CDH4: variants seen among roughly 807,000 people sequenced by gnomAD.
CDH4 encodes cadherin 4.
A neutral mutation model predicts 86.0 loss-of-function variants in CDH4; 33 were observed. The observed-to-expected ratio is 0.38, with a 90% CI of 0.29 to 0.51. CDH4 has a LOEUF of 0.51. Among genes scored for constraint, CDH4 ranks in the 20% least tolerant of loss-of-function variants. CDH4 has a pLI of 0.86. For missense variants in CDH4, 1,114 were observed against 1,307.4 expected (o/e 0.85, Z 2.28); for synonymous variants, 555 against 549.4 (o/e 1.01, Z -0.14).
In CDH4 at chr20:61,848,197, G is replaced by A. The variant is rs80199682; in HGVS notation, c.732+3374G>A. The stretch of plus-strand genomic sequence containing the variant: ...ACCTGCAGGCCCCAGCCCTCACCAC[G>A]GATGCACTCAGGCCTCCCACACTCC... On this transcript the variant is annotated intron_variant, in intron 5 of 15. Transcript: ENST00000614565. Among the ~76,000 whole-genome samples, 521 of 152,262 alleles carry A rather than the reference G, an allele frequency of 3.4e-3. 5 individuals carry two copies. The East Asian group carries it at 0.049, about 14-fold the overall frequency.
intron 2 of CDH4, chr20:61,717,531 A>C (rs1344919084): frequency 2.0e-5 from 3 of 152,046 alleles, no homozygotes; most frequent in Non-Finnish European, 4.4e-5. Context: ...CCTGTCACCG[A>C]AGCTGGAGTG....
At chr20:61,673,836 C>G (rs1444666653) in intron 2 of CDH4, among the ~76,000 whole-genome samples, 3 of 152,214 alleles carry the variant, frequency 2.0e-5, no homozygotes, top group Non-Finnish European at 4.4e-5. Flanking sequence ...AATCACATCT[C>G]TCTTCTAGAC....
intron 7 of CDH4, among the ~76,000 whole-genome samples, chr20:61,883,673 C>T (rs1348414000): frequency 6.6e-6 from 1 of 152,194 alleles, no homozygotes; most frequent in Non-Finnish European, 1.5e-5. Flanking sequence ...TGCCCGGCCC[C>T]TGGAGAGGGA....
At chr20:61,930,982 C>T (rs966372805) in intron 13 of CDH4, among the ~76,000 whole-genome samples, 2 of 152,338 alleles carry the variant, frequency 1.3e-5, no homozygotes, top group South Asian at 2.1e-4. Flanking sequence ...CGAGGGCAGC[C>T]GCAGTGGAGG....
In CDH4 at chr20:61,517,861, C is replaced by T. The variant is rs577531710; in HGVS notation, c.170-225702C>T. Among the ~76,000 whole-genome samples the T allele has an allele frequency of 2.0e-4, 31 of 152,260 alleles. No individual in the cohort carries two copies. The South Asian group carries it at 6.0e-3, about 30-fold the overall frequency. ...CTCTTATTTCATTTATTCTCAGTTC[C>T]GTCCCATGCAGGTGCCTCACAAAAC... On this transcript the variant is annotated intron_variant, in intron 2 of 15. Transcript: ENST00000614565. The surrounding 1 kb of genome is among the most constrained non-coding windows in gnomAD (Gnocchi z 6.6).
At chr20:61,311,359 A>G (rs935458016) in intron 2 of CDH4, among the ~76,000 whole-genome samples, 1 of 152,244 alleles carries the variant, frequency 6.6e-6, no homozygotes, top group Non-Finnish European at 1.5e-5. Flanking sequence ...AAAAGGTTTC[A>G]CATTAAAAGG....
chr20:61,263,557 G>A (rs549173535), intron 2 of CDH4, among the ~76,000 whole-genome samples: 2 of 152,280 alleles, frequency 1.3e-5, no homozygotes, highest in South Asian at 2.1e-4. Flanking sequence ...CAGATCACTC[G>A]GTATGGGCAG....
At chr20:61,465,869 T>C (rs1296492080) in intron 2 of CDH4, among the ~76,000 whole-genome samples, 2 of 151,930 alleles carry the variant, frequency 1.3e-5, no homozygotes, top group Non-Finnish European at 2.9e-5. Context: ...TTTTTTCTTT[T>C]TTTTTTTTTG....
intron 2 of CDH4, among the ~76,000 whole-genome samples, chr20:61,281,018 A>G (rs1011843081): frequency 6.6e-6 from 1 of 152,178 alleles, no homozygotes; most frequent in Non-Finnish European, 1.5e-5. Flanking sequence ...CATTTAAGTT[A>G]TGAGTTATTA....
intron 2 of CDH4, among the ~76,000 whole-genome samples, chr20:61,697,358 G>A (rs2087725399): frequency 6.6e-6 from 1 of 152,172 alleles, no homozygotes; most frequent in Non-Finnish European, 1.5e-5. Context: ...CCAGCACTTT[G>A]GGAGGCTGAG....
intron 2 of CDH4, among the ~76,000 whole-genome samples, chr20:61,683,497 G>A (rs745495724): frequency 6.6e-6 from 1 of 152,150 alleles, no homozygotes; most frequent in Non-Finnish European, 1.5e-5. Flanking sequence ...CCCCGGGAGT[G>A]CGGCCCAGGC....
chr20:61,813,050 G>T lies in CDH4; in HGVS notation c.577-31618G>T, dbSNP rs551768582. 1.3e-4 allele frequency among the ~76,000 whole-genome samples: 20 copies of T among 152,356 alleles called. No individual in the cohort carries two copies. In the East Asian group the frequency reaches 3.9e-3, roughly 29 times the overall value. Reference sequence around the variant, plus strand: ...TCCACGCACACATGGGAGGCTGACTGCGAACCACATCCCGCTGCCTTCCTT... The same window carrying T: ...TCCACGCACACATGGGAGGCTGACTTCGAACCACATCCCGCTGCCTTCCTT... On this transcript the variant is annotated intron_variant, in intron 4 of 15. Transcript: ENST00000614565.
chr20:61,444,275 A>AATGTGTGTT (rs2085331131), intron 2 of CDH4, among the ~76,000 whole-genome samples: 9 of 1,446 alleles, frequency 6.2e-3, no homozygotes, highest in East Asian at 0.033. Context: ...GTGTGTGTGT[A>AATGTGTGTT]TGTGTATGTA....
intron 2 of CDH4, among the ~76,000 whole-genome samples, chr20:61,670,373 A>G (rs768336492): frequency 3.9e-5 from 6 of 152,122 alleles, no homozygotes; most frequent in Non-Finnish European, 7.4e-5. Context: ...AGTGACTGTC[A>G]TTGTCCCAGC....
rs11479778 is a variant in CDH4 at position 61,693,884 on chromosome 20, C to CTTTTTTT, written c.170-49659_170-49653dup. On this transcript the variant is annotated intron_variant, in intron 2 of 15. Coordinates refer to ENST00000614565, the MANE Select transcript of CDH4 (RefSeq NM_001794.5). ...AACGCTTCTCAGACACTCTTTCTTT[C>CTTTTTTT]TTTTTTTTTTTTTTTTTTTTTTTTT... Among the ~76,000 whole-genome samples the CTTTTTTT allele has an allele frequency of 7.1e-4, 59 of 82,704 alleles. 1 individual carries two copies. The highest frequency in any genetic ancestry group is 1.4e-3 in the African/African-American group (27 of 19,538). The allele number at this position is 82,704 out of a possible 152,430, so 54.3% of individuals were successfully genotyped here.
chr20:61,513,524 T>A (rs1419113884), intron 2 of CDH4, among the ~76,000 whole-genome samples: 1 of 152,214 alleles, frequency 6.6e-6, no homozygotes, highest in Non-Finnish European at 1.5e-5. Context: ...CAGGCCGCCA[T>A]GGCGCACGGC....
intron 3 of CDH4, among the ~76,000 whole-genome samples, chr20:61,747,617 T>G (rs1465749481): frequency 6.6e-6 from 1 of 152,128 alleles, no homozygotes; most frequent in East Asian, 1.9e-4. Flanking sequence ...AATTGAAAAC[T>G]AAACCAAACA....
chr20:61,701,824 A>C (rs1307742027), intron 2 of CDH4, among the ~76,000 whole-genome samples: 1 of 152,204 alleles, frequency 6.6e-6, no homozygotes, highest in Non-Finnish European at 1.5e-5. Flanking sequence ...CAGATTTGGG[A>C]TATCCAGGTG....
chr20:61,860,963 C>T (rs1488387556), intron 6 of CDH4, among the ~76,000 whole-genome samples: 1 of 152,200 alleles, frequency 6.6e-6, no homozygotes, highest in Non-Finnish European at 1.5e-5. Flanking sequence ...AGCATGCAGC[C>T]CCCCAGGGTG....
Sources: gnomAD v4.1 joint callset for allele counts (sites outside exome capture counted in the v4.1 genomes callset) on GRCh38, gnomAD v4.1.1 for gene constraint, Gnocchi (gnomAD v3.1) non-coding constraint, MANE v1.5 for transcripts, NCBI Gene and HGNC (gene_info 2026-07-23, HGNC 2026-07-21) for gene names.